KCNIP3: variants seen among roughly 807,000 people sequenced by gnomAD.
KCNIP3 encodes the protein calsenilin.
KCNIP3 carries 28 observed loss-of-function variants against 35.0 expected under a neutral mutation model. The ratio of observed to expected loss-of-function variants is 0.80; its 90% confidence interval spans 0.59 to 1.10. KCNIP3 has a LOEUF of 1.10. Ranked by LOEUF, KCNIP3 falls within the 50% of genes least tolerant of loss-of-function variation. The probability of loss-of-function intolerance (pLI) is 0.00; values close to 1 mark genes in which losing one functional copy is unlikely to be tolerated. For missense variants in KCNIP3, 295 were observed against 338.4 expected, an observed-to-expected ratio of 0.87 and a Z score of 1.01; for synonymous variants, 134 against 133.8, an observed-to-expected ratio of 1.00 and a Z score of -0.01.
At chr2:95,326,760 G>A (rs951336820) in intron 2 of KCNIP3, among the ~76,000 whole-genome samples, 5 of 152,218 alleles carry the variant, frequency 3.3e-5, no homozygotes, top group African/African-American at 9.6e-5. Flanking sequence ...GTTGGTCCTC[G>A]AATAAATTCC....
chr2:95,325,682 CAT>C (rs1046585077), intron 2 of KCNIP3, among the ~76,000 whole-genome samples: 3 of 151,586 alleles, frequency 2.0e-5, no homozygotes, highest in Non-Finnish European at 4.4e-5. Flanking sequence ...CATACACACT[CAT>C]ACACATACAC....
chr2:95,297,563 C>A, intron 1 of KCNIP3, 110 bp downstream of exon 1: 1 of 857,212 alleles, frequency 1.2e-6, no homozygotes, highest in Non-Finnish European at 1.8e-6. Flanking sequence ...CCCTTGTCCC[C>A]TCTTGTTCCA....
chr2:95,343,529 A>C (rs564295257), intron 2 of KCNIP3, among the ~76,000 whole-genome samples: 1 of 152,284 alleles, frequency 6.6e-6, no homozygotes, highest in East Asian at 1.9e-4. Flanking sequence ...GCATGCATCC[A>C]GCCCAGACCC....
chr2:95,383,867 C>T (rs1332225068), intron 8 of KCNIP3, 135 bp from the exon 9 acceptor site: 7 of 779,330 alleles, frequency 9.0e-6, no homozygotes, highest in South Asian at 5.9e-5. Flanking sequence ...CCCTGTCCCC[C>T]AGCTCCCTGC....
At chr2:95,321,315 A>G (rs1678592692) in intron 2 of KCNIP3, among the ~76,000 whole-genome samples, 1 of 152,200 alleles carries the variant, frequency 6.6e-6, no homozygotes, top group Admixed American at 6.5e-5. Flanking sequence ...GAAAAGTTAC[A>G]TTTAATACCA....
chr2:95,369,224 C>CT (rs1236142600), intron 2 of KCNIP3, among the ~76,000 whole-genome samples: 2 of 151,824 alleles, frequency 1.3e-5, no homozygotes, highest in African/African-American at 4.8e-5. Context: ...TGATTATGTG[C>CT]TTTTTTCTTT....
chr2:95,315,149 A>G (rs1678421447), intron 2 of KCNIP3, among the ~76,000 whole-genome samples: 1 of 152,048 alleles, frequency 6.6e-6, no homozygotes, highest in Admixed American at 6.5e-5. Flanking sequence ...TGGCAGCACC[A>G]GGGCAGGCCA....
At chr2:95,339,906 G>A (rs1366460462) in intron 2 of KCNIP3, among the ~76,000 whole-genome samples, 1 of 152,154 alleles carries the variant, frequency 6.6e-6, no homozygotes, top group Non-Finnish European at 1.5e-5. Flanking sequence ...AGGCACCCAG[G>A]CCCTTTCTAC....
In KCNIP3 at chr2:95,384,066, T is replaced by C; in HGVS notation, c.*17T>C. ...GTCATCTAGGACACGTCCAAAGGAG[T>C]GCATGGCCACAGCCACCTCCACCCC... On this transcript the variant is annotated 3_prime_UTR_variant, in exon 9 of 9. Coordinates refer to ENST00000295225, the MANE Select transcript of KCNIP3 (RefSeq NM_013434.5). 6.2e-7 allele frequency: 1 copy of C among 1,612,416 alleles called. No homozygotes were observed. The highest frequency in any genetic ancestry group is 8.5e-7 in the Non-Finnish European group (1 of 1,178,976).
intron 2 of KCNIP3, among the ~76,000 whole-genome samples, chr2:95,350,252 CAG>C (rs1012779345): frequency 6.6e-6 from 1 of 152,298 alleles, no homozygotes; most frequent in East Asian, 1.9e-4. Flanking sequence ...CTTGTAGGAG[CAG>C]AGACTCCCTT....
rs1679898743 is a variant in KCNIP3, at chr2:95,365,618, TA to T, written c.182-8677del. Among the ~76,000 whole-genome samples, 2 of 152,118 alleles carry T rather than the reference TA, an allele frequency of 1.3e-5. 1 individual carries two copies. The highest frequency in any genetic ancestry group is 3.9e-4 in the East Asian group (2 of 5,192). ...AGTTACAGGAGGTGAGAAAAAGGCT[TA>T]GGGGAAAATATGGTCAAGGAGTTTT... is the stretch of plus-strand genomic sequence containing the variant. On this transcript the variant is annotated intron_variant, in intron 2 of 8. Transcript: ENST00000295225.
chr2:95,338,034 A>G (rs2104253305), intron 2 of KCNIP3, among the ~76,000 whole-genome samples: 1 of 152,266 alleles, frequency 6.6e-6, no homozygotes, highest in Admixed American at 6.5e-5. Flanking sequence ...GTGGGAGGAG[A>G]CACGGGCCCA....
chr2:95,370,838 C>T lies in KCNIP3; in HGVS notation c.182-3458C>T, dbSNP rs375951829. 5.9e-5 allele frequency among the ~76,000 whole-genome samples: 9 copies of T among 152,136 alleles called. No homozygotes were observed. The South Asian group carries it at 1.5e-3, about 25-fold the overall frequency. On this transcript the variant is annotated intron_variant, in intron 2 of 8. Coordinates refer to ENST00000295225, the MANE Select transcript of KCNIP3 (RefSeq NM_013434.5). ...GCAGTGGTGTGATCTCTGCTCACTG[C>T]AATCTCCAACCTCCTGGGCTCAAGC...
intron 2 of KCNIP3, among the ~76,000 whole-genome samples, chr2:95,333,607 C>A (rs934563839): frequency 1.3e-5 from 2 of 152,160 alleles, no homozygotes; most frequent in East Asian, 1.9e-4. Context: ...AGTCCTGTAG[C>A]CTCTGTTGGT....
intron 8 of KCNIP3, among the ~76,000 whole-genome samples, chr2:95,383,572 G>A (rs1252590308): frequency 1.3e-5 from 2 of 152,116 alleles, no homozygotes; most frequent in Non-Finnish European, 2.9e-5. Context: ...CAAGTTAGGG[G>A]CAGACATGGG....
intron 1 of KCNIP3, among the ~76,000 whole-genome samples, chr2:95,302,723 G>A (rs1253912900): frequency 6.6e-6 from 1 of 152,184 alleles, no homozygotes; most frequent in Non-Finnish European, 1.5e-5. Context: ...GCTGGGAAGC[G>A]AGGGTGCGGG....
chr2:95,358,414 T>G (rs2104282477), intron 2 of KCNIP3, among the ~76,000 whole-genome samples: 1 of 152,332 alleles, frequency 6.6e-6, no homozygotes, highest in South Asian at 2.1e-4. Flanking sequence ...GCCCTGCTTG[T>G]AGTCTGTCAG....
chr2:95,381,130 G>A (rs1202701864), intron 5 of KCNIP3, among the ~76,000 whole-genome samples: 2 of 152,162 alleles, frequency 1.3e-5, no homozygotes, highest in African/African-American at 4.8e-5. Flanking sequence ...GAGTACCCCA[G>A]GCGTCTCCAG....
chr2:95,349,932 G>A (rs534005028), intron 2 of KCNIP3, among the ~76,000 whole-genome samples: 27 of 152,324 alleles, frequency 1.8e-4, no homozygotes, highest in African/African-American at 6.3e-4. Flanking sequence ...GCTGGGGGTG[G>A]GGTCTGCATC....
Sources: allele counts gnomAD v4.1 joint callset (sites outside exome capture counted in the v4.1 genomes callset), GRCh38; gene constraint gnomAD v4.1.1; transcripts MANE v1.5; gene names NCBI Gene and HGNC (gene_info 2026-07-23, HGNC 2026-07-21).